The following P2RY12 variants were observed in gnomAD, a reference collection of about 807,000 sequenced individuals.
P2RY12 encodes the protein purinergic receptor P2Y12.
Under a neutral mutation model 4.5 loss-of-function variants are expected in P2RY12, and 3 were observed. That is an observed-to-expected ratio of 0.67 (90% CI 0.31 to 1.74). The LOEUF is 1.74. Ranked by LOEUF, P2RY12 falls within the 40% of genes most tolerant of loss-of-function variation. The pLI, the probability that P2RY12 is intolerant of heterozygous loss-of-function variation, is 0.09. For synonymous variants in P2RY12, 148 were observed against 154.1 expected, an observed-to-expected ratio of 0.96 and a Z score of 0.29; for missense variants, 356 against 407.8, an observed-to-expected ratio of 0.87 and a Z score of 1.09.
chr3:151,384,295 T>C lies in P2RY12; in HGVS notation c.-180+397A>G, dbSNP rs3732766. On this transcript the variant is annotated intron_variant, in intron 1 of 2. Transcript: ENST00000302632. ...TATCTAGTGCATTTTAATTTATTAC[T>C]CATTAAATGTTATTAATTGTATTCA... The C allele has an allele frequency of 9.0e-3, 12,053 of 1,345,778 alleles. 810 individuals carry two copies. The Admixed American group carries it at 0.12, about 14-fold the overall frequency. 83.4% of individuals were successfully genotyped at this position (1,345,778 alleles called of 1,614,324 possible). A position where few individuals can be genotyped will look rare whatever the true frequency, so the allele number is the denominator to read the frequency against.
In P2RY12 at chr3:151,368,662, T is replaced by TTCATG. The variant is rs796882035; in HGVS notation, c.-180+16029_-180+16030insCATGA. Among the ~76,000 whole-genome samples, 218 of 52,358 alleles carry TTCATG rather than the reference T, an allele frequency of 4.2e-3. 4 individuals are homozygous for TTCATG. Among genetic ancestry groups the TTCATG allele is most frequent in the South Asian group, 9.6e-3 (12 of 1,254 alleles). The allele number at this position is 52,358 out of a possible 152,430, so 34.3% of individuals were successfully genotyped here. Reference sequence around the variant, plus strand: ...TTCATTTCATTTCATTTCATTTCATTTCATTTCATTTCATGTCATTTCATT... The same window carrying TTCATG: ...TTCATTTCATTTCATTTCATTTCATTTCATGTCATTTCATTTCATGTCATTTCATT... On this transcript the variant is annotated intron_variant, in intron 1 of 2. Transcript: ENST00000302632.
chr3:151,356,042 G>A (rs772251719), intron 1 of P2RY12: 4 of 1,604,648 alleles, frequency 2.5e-6, no homozygotes, highest in South Asian at 1.1e-5. Context: ...CAATACAGGT[G>A]TCAAAGAGAC....
chr3:151,384,417 C>A (rs1712948844), intron 1 of P2RY12, among the ~76,000 whole-genome samples: 2 of 152,078 alleles, frequency 1.3e-5, no homozygotes, highest in African/African-American at 2.4e-5. Flanking sequence ...TTATTGAAAA[C>A]AATTACATTA....
At position 151,365,818 on chromosome 3, in the gene P2RY12, G is replaced by T. The variant is rs763880139; in HGVS notation, c.-180+18874C>A. Reference sequence around the variant, plus strand: ...GGTGAGTATTTCTCTTTTGTACAAGGTTACTTTCTGTGTCTTCTTTTTCTT... The same window carrying T: ...GGTGAGTATTTCTCTTTTGTACAAGTTTACTTTCTGTGTCTTCTTTTTCTT... On this transcript the variant is annotated intron_variant, in intron 1 of 2. Transcript: ENST00000302632. The T allele has an allele frequency of 3.9e-5, 62 of 1,571,726 alleles. 1 individual carries two copies. The South Asian group carries it at 7.0e-4, about 18-fold the overall frequency.
chr3:151,338,972 T>A, intron 2 of P2RY12, 113 bp from the exon 3 acceptor site: 3 of 881,056 alleles, frequency 3.4e-6, no homozygotes, highest in Non-Finnish European at 5.5e-6. Context: ...AGGTTTCTCA[T>A]CTTCATTGTA....
In P2RY12 at chr3:151,338,426, C is replaced by A; in HGVS notation, c.420G>T (p.Gly140=). Residue 140 remains glycine (G), a synonymous_variant, in exon 3 of 3, where the codon GGG becomes GGT. Coordinates refer to ENST00000302632, the MANE Select transcript of P2RY12 (RefSeq NM_022788.5). ...AGATGACAACAGAGAGAATCTTAGC[C>A]CCCAAGAGATTTTTGGGGTTGGATG... The part of the protein sequence containing the change: ...FKTSNPKNLL[G]AKILSVVIWA... 3.7e-6 allele frequency: 6 copies of A among 1,613,986 alleles called. No homozygotes were observed. Among genetic ancestry groups the A allele is most frequent in the Non-Finnish European group, 5.1e-6 (6 of 1,179,992 alleles).
chr3:151,355,456 A>G (rs970531295), intron 1 of P2RY12, among the ~76,000 whole-genome samples: 1 of 152,200 alleles, frequency 6.6e-6, no homozygotes, highest in Non-Finnish European at 1.5e-5. Flanking sequence ...CCTTATGATA[A>G]TAATCGGTGA....
At chr3:151,375,979 A>G in intron 1 of P2RY12, 1 of 1,060,708 alleles carries the variant, frequency 9.4e-7, no homozygotes. Context: ...GCATATATAT[A>G]TACCGAAAGC....
intron 1 of P2RY12, chr3:151,380,098 T>C: frequency 6.8e-7 from 1 of 1,480,934 alleles, no homozygotes; most frequent in Non-Finnish European, 9.3e-7. Flanking sequence ...GTTGTTATTA[T>C]TACTTCCTTT....
At chr3:151,355,120 G>C (rs1753749831) in intron 1 of P2RY12, 1 of 1,609,496 alleles carries the variant, frequency 6.2e-7, no homozygotes. Context: ...TGTTTATGTA[G>C]TTGGGGACGA....
chr3:151,367,204 G>C (rs188178382), intron 1 of P2RY12, among the ~76,000 whole-genome samples: 5 of 152,164 alleles, frequency 3.3e-5, no homozygotes, highest in Non-Finnish European at 1.5e-5. Flanking sequence ...ATCCTTAGTA[G>C]TTACCACTGA....
chr3:151,351,991 C>T (rs1010379494), intron 1 of P2RY12, among the ~76,000 whole-genome samples: 1 of 152,240 alleles, frequency 6.6e-6, no homozygotes, highest in East Asian at 1.9e-4. Flanking sequence ...ATTCCTTATA[C>T]GAAGTGCTTG....
In P2RY12 at chr3:151,338,185, CG is replaced by C. The variant is rs1751287413; in HGVS notation, c.660del (p.Tyr220Ter). 3 of 1,614,028 alleles carry C rather than the reference CG, an allele frequency of 1.9e-6. No individual in the cohort carries two copies. Among genetic ancestry groups the C allele is most frequent in the Non-Finnish European group, 2.5e-6 (3 of 1,179,952 alleles). On this transcript the variant is annotated frameshift_variant, in exon 3 of 3. Coordinates refer to ENST00000302632, the MANE Select transcript of P2RY12 (RefSeq NM_022788.5). LOFTEE classifies it low-confidence loss of function (END_TRUNC). ...TLITKELYRS[Y>X]VRTRGVGKVP... ...ACTTTACCTACACCCCTCGTTCTTACGTATGACCGGTACAGTTCTTTTGTAA... is the reference window on the plus strand; with the variant it reads ...ACTTTACCTACACCCCTCGTTCTTACTATGACCGGTACAGTTCTTTTGTAA...
chr3:151,340,020 C>G (rs1219047342), intron 2 of P2RY12, among the ~76,000 whole-genome samples: 1 of 152,042 alleles, frequency 6.6e-6, no homozygotes, highest in Non-Finnish European at 1.5e-5. Flanking sequence ...CCCAAAATGT[C>G]CATGGAATTC....
At chr3:151,369,806 A>G (rs1755961251) in intron 1 of P2RY12, among the ~76,000 whole-genome samples, 1 of 152,096 alleles carries the variant, frequency 6.6e-6, no homozygotes, top group African/African-American at 2.4e-5. Context: ...TCTCATTCTG[A>G]TGTAAAATAG....
chr3:151,351,418 T>G, intron 1 of P2RY12, among the ~76,000 whole-genome samples: 1 of 152,194 alleles, frequency 6.6e-6, no homozygotes, highest in East Asian at 1.9e-4. Context: ...CATTCCCAGT[T>G]AAGGGCTTTG....
intron 1 of P2RY12, chr3:151,377,233 A>C: frequency 6.9e-7 from 1 of 1,451,822 alleles, no homozygotes; most frequent in Non-Finnish European, 9.4e-7. Flanking sequence ...AAGTAACGGT[A>C]AATTTTGTGT....
rs1002508873 is a variant in P2RY12 at position 151,338,049 on chromosome 3, T to A, written c.797A>T (p.Asp266Val). Residue 266 changes from aspartate (D) to valine (V), a missense_variant, in exon 3 of 3, where the codon GAT becomes GTT. By Grantham distance (152) the Asp-to-Val change is radical. Transcript: ENST00000302632. ...ATTTTCAGCAGTGCAGTCAAAGACA[T>A]CCCGGGTTTGGCTCAGGGTGTAAGG... ...RIPYTLSQTR[D>V]VFDCTAENTL... 1.2e-6 allele frequency: 2 copies of A among 1,613,968 alleles called. No individual in the cohort carries two copies. The highest frequency in any genetic ancestry group is 1.7e-6 in the Non-Finnish European group (2 of 1,179,970).
chr3:151,343,478 A>G lies in P2RY12; in HGVS notation c.-179-2718T>C, dbSNP rs182810846. On this transcript the variant is annotated intron_variant, in intron 1 of 2. Transcript: ENST00000302632. ...AAACCACCTCTGATAACATTTTTTC[A>G]TTGGAGGAAGACTGCCAGTTAGACC... is the stretch of plus-strand genomic sequence containing the variant. Among the ~76,000 whole-genome samples the G allele has an allele frequency of 2.6e-3, 393 of 152,298 alleles. 1 individual carries two copies. The highest frequency in any genetic ancestry group is 8.9e-3 in the African/African-American group (372 of 41,570).
Sources: allele counts gnomAD v4.1 joint callset (sites outside exome capture counted in the v4.1 genomes callset), GRCh38; gene constraint gnomAD v4.1.1; transcripts MANE v1.5; gene names NCBI Gene and HGNC (gene_info 2026-07-23, HGNC 2026-07-21).